Variants in OCA2 observed in about 807,000 individuals in gnomAD.
The protein encoded by OCA2 is OCA2 melanosomal transmembrane protein.
A neutral mutation model predicts 100.2 loss-of-function variants in OCA2; 77 were observed. The ratio of observed to expected loss-of-function variants is 0.77; its 90% CI spans 0.64 to 0.93. OCA2 has a LOEUF of 0.93. Among genes scored for constraint, OCA2 ranks in the 40% least tolerant of loss-of-function variants. The pLI, the probability that OCA2 is intolerant of heterozygous loss-of-function variation, is 0.00. For synonymous variants in OCA2, 432 were observed against 439.2 expected (o/e 0.98, Z 0.21); for missense variants, 1,062 against 1,089.1 (o/e 0.98, Z 0.35).
intron 5 of OCA2, among the ~76,000 whole-genome samples, chr15:28,024,400 CTCAG>C (rs1486640262): frequency 6.6e-6 from 1 of 152,244 alleles, no homozygotes; most frequent in Non-Finnish European, 1.5e-5. Flanking sequence ...GGGGGCAAAC[CTCAG>C]AGCTTCAACA....
intron 19 of OCA2, among the ~76,000 whole-genome samples, chr15:27,907,495 G>A (rs2038222309): frequency 6.6e-6 from 1 of 151,998 alleles, no homozygotes; most frequent in Admixed American, 6.6e-5. Context: ...AAAGGAGGGA[G>A]ATAATGAAGT....
At chr15:28,072,622 T>G (rs1226949398) in intron 2 of OCA2, among the ~76,000 whole-genome samples, 4 of 142,798 alleles carry the variant, frequency 2.8e-5, no homozygotes, top group African/African-American at 5.2e-5. Flanking sequence ...AGTAACCCCA[T>G]TAAAAAATGG....
chr15:27,941,869 AAG>A (rs2039660585), intron 18 of OCA2, among the ~76,000 whole-genome samples: 1 of 152,244 alleles, frequency 6.6e-6, no homozygotes, highest in South Asian at 2.1e-4. Flanking sequence ...TATTTAGTAA[AAG>A]AGCATTTCAT....
chr15:28,054,218 GTGTA>G (rs1055864823), intron 2 of OCA2, among the ~76,000 whole-genome samples: 2 of 151,754 alleles, frequency 1.3e-5, no homozygotes, highest in Non-Finnish European at 2.9e-5. Flanking sequence ...GTGTATGTAT[GTGTA>G]TGTGTGTATG....
intron 19 of OCA2, among the ~76,000 whole-genome samples, chr15:27,897,539 A>C (rs1281154915): frequency 1.3e-5 from 2 of 152,234 alleles, no homozygotes; most frequent in African/African-American, 4.8e-5. Flanking sequence ...ATGGAAGTCA[A>C]GAATTGAGGT....
intron 19 of OCA2, among the ~76,000 whole-genome samples, chr15:27,913,916 C>A (rs8025931): frequency 0.44 from 24,470 of 56,154 alleles, 5,994 homozygotes; most frequent in Middle Eastern, 0.57. Context: ...AGCAAGCAAG[C>A]AAGCAAGCAA....
intron 11 of OCA2, among the ~76,000 whole-genome samples, chr15:27,987,487 A>AGGCG (rs2041394889): frequency 6.6e-6 from 1 of 152,006 alleles, no homozygotes; most frequent in Non-Finnish European, 1.5e-5. Context: ...TGGGAGGCCA[A>AGGCG]GGCGGGCGGA....
rs556781077 is a variant in OCA2, at chr15:27,816,261, C to A, written c.2432+28698G>T. Among the ~76,000 whole-genome samples the A allele has an allele frequency of 1.6e-4, 25 of 152,204 alleles. No individual in the cohort carries two copies. The South Asian group carries it at 4.6e-3, about 28-fold the overall frequency. Reference sequence around the variant, plus strand: ...GGGACAGAAGAAGAAAGAAAAAAATCTTTTTAAAAACATGAACCAACACAG... The same window carrying A: ...GGGACAGAAGAAGAAAGAAAAAAATATTTTTAAAAACATGAACCAACACAG... On this transcript the variant is annotated intron_variant, in intron 23 of 23. Transcript: ENST00000354638.
intron 19 of OCA2, among the ~76,000 whole-genome samples, chr15:27,882,931 C>A (rs1214969676): frequency 1.3e-5 from 2 of 152,170 alleles, no homozygotes; most frequent in Non-Finnish European, 2.9e-5. Flanking sequence ...TAGTCAGATA[C>A]CTGTATGGAT....
chr15:28,089,398 A>G, intron 1 of OCA2, among the ~76,000 whole-genome samples: 1 of 152,194 alleles, frequency 6.6e-6, no homozygotes, highest in East Asian at 1.9e-4. Flanking sequence ...AAATCTTCAC[A>G]ATTTATGTAA....
intron 16 of OCA2, among the ~76,000 whole-genome samples, chr15:27,956,505 C>T (rs564005779): frequency 6.6e-6 from 1 of 152,318 alleles, no homozygotes; most frequent in South Asian, 2.1e-4. Flanking sequence ...ACGTGGTGAG[C>T]CTCGGAGCCC....
At chr15:27,796,617 G>A (rs1369948252) in intron 23 of OCA2, among the ~76,000 whole-genome samples, 5 of 152,198 alleles carry the variant, frequency 3.3e-5, no homozygotes, top group South Asian at 4.1e-4. Flanking sequence ...GGTGCTCAGC[G>A]AGTGCTGGTT....
intron 23 of OCA2, among the ~76,000 whole-genome samples, chr15:27,842,330 T>C (rs2035371986): frequency 6.6e-6 from 1 of 152,208 alleles, no homozygotes; most frequent in Admixed American, 6.5e-5. Context: ...GGTAGCAAAA[T>C]TATAGGTTAC....
chr15:27,731,802 G>A, the OCA2 span, among the ~76,000 whole-genome samples: 1 of 152,220 alleles, frequency 6.6e-6, no homozygotes, highest in African/African-American at 2.4e-5. Context: ...AGAGAATTCT[G>A]AGGGCATATT....
intron 23 of OCA2, among the ~76,000 whole-genome samples, chr15:27,821,073 G>A (rs1009798533): frequency 2.8e-4 from 43 of 152,024 alleles, no homozygotes; most frequent in African/African-American, 1.0e-3. Flanking sequence ...AGACATTGAT[G>A]CCTCAATGTC....
chr15:27,926,149 G>A lies in OCA2; in HGVS notation c.2057C>T (p.Ala686Val), dbSNP rs868252845. The part of the protein sequence containing the change: ...RVEWATLLFF[A>V]ALFVLMEALA... ...TACCTCCATCAGAACAAAGAGCGCT[G>A]CAAAAAACAGAAGGGTTGCCCATTC... is the stretch of plus-strand genomic sequence containing the variant. The change falls in exon 19 of 24, where the codon GCA (alanine) becomes GTA (valine). Residue 686 changes from alanine (A) to valine (V), a missense_variant. Coordinates refer to ENST00000354638, the MANE Select transcript of OCA2 (RefSeq NM_000275.3). The A allele has an allele frequency of 6.2e-7, 1 of 1,613,930 alleles. No individual in the cohort carries two copies. Among genetic ancestry groups the A allele is most frequent in the African/African-American group, 1.3e-5 (1 of 74,914 alleles).
At chr15:27,902,861 C>T (rs866524841) in intron 19 of OCA2, among the ~76,000 whole-genome samples, 39 of 152,240 alleles carry the variant, frequency 2.6e-4, no homozygotes, top group Admixed American at 3.3e-4. Flanking sequence ...GTTCCAGGCA[C>T]AGTGCGTTCC....
chr15:27,774,001 A>G (rs763434623), intron 23 of OCA2, among the ~76,000 whole-genome samples: 2 of 152,232 alleles, frequency 1.3e-5, no homozygotes, highest in Non-Finnish European at 2.9e-5. Flanking sequence ...TATATTTTCC[A>G]TGTACATTCC....
chr15:27,863,348 G>A (rs1386294266), intron 21 of OCA2, among the ~76,000 whole-genome samples: 1 of 152,198 alleles, frequency 6.6e-6, no homozygotes, highest in Non-Finnish European at 1.5e-5. Flanking sequence ...CTGGGATTCT[G>A]AGAGCTGAGA....
Sources: allele counts gnomAD v4.1 joint callset (sites outside exome capture counted in the v4.1 genomes callset), GRCh38; gene constraint gnomAD v4.1.1; transcripts MANE v1.5; gene names NCBI Gene and HGNC (gene_info 2026-07-23, HGNC 2026-07-21).